ATP6V1A: variants seen among roughly 807,000 people sequenced by gnomAD.
The protein encoded by ATP6V1A is V-type proton ATPase catalytic subunit A.
ATP6V1A carries 18 observed loss-of-function variants against 70.1 expected under a neutral mutation model. The observed-to-expected ratio is 0.26, with a 90% CI of 0.18 to 0.38. ATP6V1A has a LOEUF of 0.38. Ranked by LOEUF, ATP6V1A falls within the 10% of genes least tolerant of loss-of-function variation. The pLI, the probability that ATP6V1A is intolerant of heterozygous loss-of-function variation, is 1.00. For missense variants in ATP6V1A, 424 were observed against 772.4 expected (o/e 0.55, Z 5.35); for synonymous variants, 232 against 253.8 (o/e 0.91, Z 0.82).
intron 1 of ATP6V1A, among the ~76,000 whole-genome samples, chr3:113,766,762 T>C (rs978497519): frequency 6.6e-6 from 1 of 152,194 alleles, no homozygotes; most frequent in Non-Finnish European, 1.5e-5. Context: ...CTTTCTTTTC[T>C]AAAAATGGTA....
At chr3:113,780,426 T>G (rs1708964847) in intron 2 of ATP6V1A, among the ~76,000 whole-genome samples, 1 of 152,344 alleles carries the variant, frequency 6.6e-6, no homozygotes, top group Admixed American at 6.5e-5. Context: ...CCATTGACAA[T>G]TTCTTACCCA....
intron 9 of ATP6V1A, 31 bp downstream of exon 9, chr3:113,795,025 A>C: frequency 1.9e-6 from 3 of 1,613,232 alleles, no homozygotes; most frequent in Non-Finnish European, 2.5e-6. Flanking sequence ...TCATGTAAAC[A>C]AGACTGATGG....
intron 8 of ATP6V1A, among the ~76,000 whole-genome samples, chr3:113,794,538 C>A (rs531305635): frequency 6.6e-6 from 1 of 152,324 alleles, no homozygotes; most frequent in South Asian, 2.1e-4. Context: ...CCATTTTCAA[C>A]ACATGGCTTC....
intron 1 of ATP6V1A, among the ~76,000 whole-genome samples, chr3:113,773,075 T>A (rs1708867029): frequency 1.3e-5 from 2 of 150,888 alleles, no homozygotes; most frequent in Admixed American, 1.3e-4. Context: ...GTAGTTGGGA[T>A]TACAGGTGCG....
Position 113,755,313 on chromosome 3 carries a change from A to G in ATP6V1A, c.-14+8200A>G, listed in dbSNP as rs181209873. 1.3e-3 allele frequency among the ~76,000 whole-genome samples: 190 copies of G among 151,602 alleles called. 2 individuals carry two copies. The highest frequency in any genetic ancestry group is 2.1e-3 in the Non-Finnish European group (140 of 67,962). Reference sequence around the variant, plus strand: ...TAACTAGCACATAAGGACCGTATATATATTTGCCAGCTGGGTGCAGTGGCT... The same window carrying G: ...TAACTAGCACATAAGGACCGTATATGTATTTGCCAGCTGGGTGCAGTGGCT... On this transcript the variant is annotated intron_variant, in intron 1 of 14. Coordinates refer to ENST00000273398, the MANE Select transcript of ATP6V1A (RefSeq NM_001690.4).
In ATP6V1A at chr3:113,759,353, G is replaced by A. The variant is rs372929902; in HGVS notation, c.-14+12240G>A. Among the ~76,000 whole-genome samples the A allele has an allele frequency of 7.6e-5, 11 of 144,554 alleles. No homozygotes were observed. The South Asian group carries it at 2.4e-3, about 32-fold the overall frequency. 94.8% of individuals were successfully genotyped at this position (144,554 alleles called of 152,430 possible). A position where few individuals can be genotyped will look rare whatever the true frequency, so the allele number is the denominator to read the frequency against. On this transcript the variant is annotated intron_variant, in intron 1 of 14. Transcript: ENST00000273398. ...CCACCACTTGTTGAAAAGACAATAT[G>A]CTTTCTACACTGAATTGCCTTTGCA...
At chr3:113,762,860 A>G (rs1708721393) in intron 1 of ATP6V1A, among the ~76,000 whole-genome samples, 1 of 152,216 alleles carries the variant, frequency 6.6e-6, no homozygotes, top group Non-Finnish European at 1.5e-5. Flanking sequence ...ATATTGCAGT[A>G]TAACAATAAA....
chr3:113,781,006 C>T (rs1708970970), intron 2 of ATP6V1A, 44 bp from the exon 3 acceptor site: 1 of 1,558,710 alleles, frequency 6.4e-7, no homozygotes, highest in Non-Finnish European at 8.7e-7. Context: ...ATTCACAGAG[C>T]ACTAGAGTCT....
At chr3:113,802,545 T>G (rs1349311761) in intron 12 of ATP6V1A, among the ~76,000 whole-genome samples, 1 of 152,158 alleles carries the variant, frequency 6.6e-6, no homozygotes, top group Non-Finnish European at 1.5e-5. Context: ...TCCAAAATGG[T>G]CTCAATCTCT....
intron 1 of ATP6V1A, among the ~76,000 whole-genome samples, chr3:113,748,677 A>G (rs1708551227): frequency 6.6e-6 from 1 of 152,260 alleles, no homozygotes; most frequent in Admixed American, 6.5e-5. Context: ...AGTGCAAAAT[A>G]CATAACCTAG....
At chr3:113,764,027 C>T (rs1417439461) in intron 1 of ATP6V1A, among the ~76,000 whole-genome samples, 2 of 151,940 alleles carry the variant, frequency 1.3e-5, no homozygotes, top group Admixed American at 6.6e-5. Flanking sequence ...ATCACTTGAG[C>T]CCAGGAGTTC....
Position 113,809,532 on chromosome 3 carries a change from C to A in ATP6V1A, c.*105C>A. Reference sequence around the variant, plus strand: ...AACCCTTTGCTTCTTTATTGTGCAGCTTTGAGACTAGTGCCTATGTGTGTT... The same window carrying A: ...AACCCTTTGCTTCTTTATTGTGCAGATTTGAGACTAGTGCCTATGTGTGTT... On this transcript the variant is annotated 3_prime_UTR_variant, in exon 15 of 15. Transcript: ENST00000273398. The A allele has an allele frequency of 1.0e-6, 1 of 977,872 alleles. No individual in the cohort carries two copies. Among genetic ancestry groups the A allele is most frequent in the Non-Finnish European group, 1.5e-6 (1 of 653,422 alleles). 60.6% of individuals were successfully genotyped at this position (977,872 alleles called of 1,614,324 possible).
intron 13 of ATP6V1A, 21 bp downstream of exon 13, chr3:113,803,698 T>C (rs1257056310): frequency 1.9e-6 from 3 of 1,541,906 alleles, no homozygotes; most frequent in Non-Finnish European, 2.7e-6. Context: ...TTGATTTCCT[T>C]TTTTTATTTG....
At chr3:113,767,219 G>A (rs1708782979) in intron 1 of ATP6V1A, among the ~76,000 whole-genome samples, 1 of 151,522 alleles carries the variant, frequency 6.6e-6, no homozygotes, top group Non-Finnish European at 1.5e-5. Context: ...AGCGCCCCGA[G>A]TAGCTGGGAT....
At chr3:113,752,669 C>T (rs1708600545) in intron 1 of ATP6V1A, among the ~76,000 whole-genome samples, 1 of 151,826 alleles carries the variant, frequency 6.6e-6, no homozygotes, top group Non-Finnish European at 1.5e-5. Flanking sequence ...ATAAGTGCAG[C>T]AGAATTTTAA....
In ATP6V1A at chr3:113,805,234, TAATA is replaced by T. The variant is rs549673948; in HGVS notation, c.1590-114_1590-111del. Reference sequence around the variant, plus strand: ...ATTTTTTTATTCCTTAGGTATCATCTAATAAATAAGCAATCTGCATACTTAGATA... The same window carrying T: ...ATTTTTTTATTCCTTAGGTATCATCTAATAAGCAATCTGCATACTTAGATA... On this transcript the variant is annotated intron_variant, in intron 13 of 14. Coordinates refer to ENST00000273398, the MANE Select transcript of ATP6V1A (RefSeq NM_001690.4). 1,746 of 1,012,376 alleles carry T rather than the reference TAATA, an allele frequency of 1.7e-3. 11 individuals are homozygous for T. Among genetic ancestry groups the T allele is most frequent in the South Asian group, 9.0e-3 (583 of 64,634 alleles). The allele number at this position is 1,012,376 out of a possible 1,614,324, so 62.7% of individuals were successfully genotyped here. A position where few individuals can be genotyped will look rare whatever the true frequency, so the allele number is the denominator to read the frequency against.
intron 12 of ATP6V1A, 42 bp from the exon 13 acceptor site, chr3:113,803,541 C>T: frequency 7.0e-7 from 1 of 1,430,718 alleles, no homozygotes; most frequent in South Asian, 1.2e-5. Flanking sequence ...ATCAATCTTA[C>T]ATTTTAGAGT....
chr3:113,777,060 T>C (rs1393202404), intron 1 of ATP6V1A, among the ~76,000 whole-genome samples: 2 of 152,242 alleles, frequency 1.3e-5, no homozygotes, highest in Non-Finnish European at 2.9e-5. Context: ...TTTTGGACAT[T>C]ATTTAGCTTT....
intron 12 of ATP6V1A, among the ~76,000 whole-genome samples, chr3:113,799,693 G>A (rs1001336475): frequency 2.0e-5 from 3 of 152,142 alleles, no homozygotes; most frequent in Non-Finnish European, 4.4e-5. Flanking sequence ...AATAATAAGA[G>A]TTCACTGGGG....
Sources: allele counts gnomAD v4.1 joint callset (sites outside exome capture counted in the v4.1 genomes callset), GRCh38; gene constraint gnomAD v4.1.1; transcripts MANE v1.5; gene names NCBI Gene and HGNC (gene_info 2026-07-23, HGNC 2026-07-21).